KIAA1671: variants seen among roughly 807,000 people sequenced by gnomAD.
KIAA1671 encodes the protein uncharacterized protein KIAA1671.
Under a neutral mutation model 131.2 loss-of-function variants are expected in KIAA1671, and 52 were observed. The observed-to-expected ratio is 0.40, with a 90% CI of 0.32 to 0.50. KIAA1671 has a LOEUF of 0.50. Ranked by LOEUF, KIAA1671 falls within the 20% of genes least tolerant of loss-of-function variation. KIAA1671 has a pLI of 0.73. For synonymous variants in KIAA1671, 1,003 were observed against 961.6 expected (o/e 1.04, Z -0.80); for missense variants, 2,360 against 2,364.2 (o/e 1.00, Z 0.04).
intron 6 of KIAA1671, among the ~76,000 whole-genome samples, chr22:25,159,125 A>T (rs1485759050): frequency 1.3e-5 from 2 of 152,106 alleles, no homozygotes; most frequent in African/African-American, 4.8e-5. Context: ...CTCCCAGCCC[A>T]GCTGTTGTTT....
chr22:24,973,196 T>C (rs1050641961), intron 1 of KIAA1671, among the ~76,000 whole-genome samples: 1 of 152,084 alleles, frequency 6.6e-6, no homozygotes, highest in African/African-American at 2.4e-5. Flanking sequence ...TTTGGGCTTT[T>C]AAAAAACCCT....
intron 6 of KIAA1671, chr22:25,111,062 AGG>A (rs1200645242): frequency 1.3e-5 from 2 of 152,516 alleles, no homozygotes; most frequent in African/African-American, 2.4e-5. Flanking sequence ...ACACAGGGAG[AGG>A]GAGGAGAGCG....
chr22:24,974,565 C>T (rs113821683), intron 1 of KIAA1671, among the ~76,000 whole-genome samples: 7 of 151,830 alleles, frequency 4.6e-5, no homozygotes, highest in African/African-American at 7.3e-5. Flanking sequence ...TGTATCACTT[C>T]GGGATTTTCT....
At chr22:25,174,708 T>G in intron 8 of KIAA1671, 1 of 482,348 alleles carries the variant, frequency 2.1e-6, no homozygotes, top group Non-Finnish European at 3.6e-6. Context: ...AGCCTCAGCT[T>G]CCTTATCCAC....
In KIAA1671 at chr22:25,041,385, C is replaced by G; in HGVS notation, c.4255C>G (p.Arg1419Gly). 6.4e-7 allele frequency: 1 copy of G among 1,551,726 alleles called. No homozygotes were observed. Among genetic ancestry groups the G allele is most frequent in the Non-Finnish European group, 8.7e-7 (1 of 1,147,000 alleles). The change falls in exon 5 of 13, where the codon CGA becomes GGA. Residue 1419 changes from arginine (R) to glycine (G), a missense_variant. By Grantham distance (125) the Arg-to-Gly change is moderately radical (BLOSUM62 -2). This residue lies in a region of KIAA1671 where 1,161 missense variants were observed against 1,204.7 expected (regional missense o/e 0.96). Transcript: ENST00000358431. The stretch of plus-strand genomic sequence containing the variant: ...AGAGAAGGGGCCCCCTGCCAACATC[C>G]GAGAGGGCCTGTCCATCATGCATGA... ...YSEKGPPANI[R>G]EGLSIMHEAR...
chr22:25,065,282 G>T (rs993879968), intron 6 of KIAA1671: 4 of 152,258 alleles, frequency 2.6e-5, no homozygotes, highest in Non-Finnish European at 4.4e-5. Context: ...GCAGGGCCTG[G>T]CATACAGTAG....
At chr22:25,093,768 GTCTCTCTCTCTCTC>G (rs71191028) in intron 6 of KIAA1671, among the ~76,000 whole-genome samples, 61 of 60,710 alleles carry the variant, frequency 1.0e-3, no homozygotes, top group Non-Finnish European at 1.4e-3. Context: ...CTCTCTCTCT[GTCTCTCTCTCTCTC>G]TCTCTCTCTC....
At chr22:25,080,122 G>T (rs1286300328) in intron 6 of KIAA1671, among the ~76,000 whole-genome samples, 1 of 152,160 alleles carries the variant, frequency 6.6e-6, no homozygotes, top group Non-Finnish European at 1.5e-5. Flanking sequence ...TAGGAAAACT[G>T]CAGGGTAGAG....
chr22:25,181,409 C>G (rs577603408), intron 9 of KIAA1671, among the ~76,000 whole-genome samples: 7 of 152,190 alleles, frequency 4.6e-5, no homozygotes, highest in Admixed American at 2.6e-4. Flanking sequence ...CCTTCTATTC[C>G]CTGACTTGGA....
intron 6 of KIAA1671, among the ~76,000 whole-genome samples, chr22:25,100,224 G>T (rs560523388): frequency 1.3e-5 from 2 of 152,308 alleles, no homozygotes; most frequent in South Asian, 4.1e-4. Context: ...TGCCCTCTGA[G>T]GCCACCCAGA....
chr22:25,090,344 C>T (rs1929965047), intron 6 of KIAA1671, among the ~76,000 whole-genome samples: 1 of 152,238 alleles, frequency 6.6e-6, no homozygotes, highest in South Asian at 2.1e-4. Flanking sequence ...CAGCATCCTC[C>T]ATCCTCATAT....
intron 10 of KIAA1671, among the ~76,000 whole-genome samples, chr22:25,182,119 C>A (rs1934300987): frequency 6.6e-6 from 1 of 151,974 alleles, no homozygotes; most frequent in Non-Finnish European, 1.5e-5. Flanking sequence ...GCGGAGCTTG[C>A]AGTAAGCCGA....
intron 6 of KIAA1671, among the ~76,000 whole-genome samples, chr22:25,091,636 G>A (rs763683280): frequency 6.6e-6 from 1 of 152,184 alleles, no homozygotes; most frequent in Non-Finnish European, 1.5e-5. Context: ...AACTGCGCTT[G>A]AAGATTTCAG....
intron 6 of KIAA1671, among the ~76,000 whole-genome samples, chr22:25,088,049 T>A (rs1486315103): frequency 6.6e-6 from 1 of 152,150 alleles, no homozygotes; most frequent in African/African-American, 2.4e-5. Context: ...AAATGAAAGC[T>A]CTTAAGAAGA....
At chr22:25,037,254 C>T (rs928786439) in intron 4 of KIAA1671, among the ~76,000 whole-genome samples, 4 of 151,996 alleles carry the variant, frequency 2.6e-5, no homozygotes, top group South Asian at 2.1e-4. Flanking sequence ...ATCCGGAAGG[C>T]GGAGGTTGCA....
intron 1 of KIAA1671, among the ~76,000 whole-genome samples, chr22:24,995,344 G>A (rs1470263658): frequency 3.4e-5 from 5 of 145,438 alleles, no homozygotes; most frequent in East Asian, 2.1e-4. Context: ...GAGCCACTGC[G>A]CCCGGCCAAG....
intron 6 of KIAA1671, among the ~76,000 whole-genome samples, chr22:25,069,302 G>T (rs941393994): frequency 4.6e-5 from 7 of 152,212 alleles, no homozygotes; most frequent in Admixed American, 4.6e-4. Flanking sequence ...GGTAACTGAG[G>T]CTCAGGAGGA....
chr22:25,182,811 C>G (rs921812398), intron 10 of KIAA1671, among the ~76,000 whole-genome samples: 2 of 152,176 alleles, frequency 1.3e-5, no homozygotes, highest in Non-Finnish European at 2.9e-5. Context: ...AACCCAGGCT[C>G]CTGAAGCCCT....
At chr22:25,167,733 A>G (rs1478310162) in intron 6 of KIAA1671, among the ~76,000 whole-genome samples, 1 of 152,216 alleles carries the variant, frequency 6.6e-6, no homozygotes, top group Non-Finnish European at 1.5e-5. Context: ...GAGTGTAGCC[A>G]TTTAGCAGGG....
Sources: gnomAD v4.1 joint callset for allele counts (sites outside exome capture counted in the v4.1 genomes callset) on GRCh38, gnomAD v4.1.1 for gene constraint, gnomAD v4.1.1 regional missense constraint, MANE v1.5 for transcripts, NCBI Gene and HGNC (gene_info 2026-07-23, HGNC 2026-07-21) for gene names.